ZNF676: variants seen among roughly 807,000 people sequenced by gnomAD.
The protein encoded by ZNF676 is zinc finger protein 676.
In ZNF676, 4 loss-of-function variants were observed where a neutral mutation model predicts 6.0. The observed-to-expected ratio is 0.67, with a 90% CI of 0.33 to 1.53. The LOEUF is 1.53. Ranked by LOEUF, ZNF676 falls within the 40% of genes most tolerant of loss-of-function variation. The probability of loss-of-function intolerance (pLI) is 0.06; values close to 1 mark genes in which losing one functional copy is unlikely to be tolerated. For missense variants in ZNF676, 644 were observed against 679.7 expected (o/e 0.95, Z 0.58); for synonymous variants, 198 against 223.1 (o/e 0.89, Z 1.00).
intron 1 of ZNF676, among the ~76,000 whole-genome samples, chr19:22,194,578 A>G (rs2023947245): frequency 6.6e-6 from 1 of 152,160 alleles, no homozygotes; most frequent in Admixed American, 6.6e-5. Context: ...CAGGACAGAA[A>G]GGACCTTACA....
chr19:22,201,920 G>A (rs1281581660), upstream of ZNF676, among the ~76,000 whole-genome samples: 1 of 152,130 alleles, frequency 6.6e-6, no homozygotes, highest in African/African-American at 2.4e-5. Context: ...TGTGGCAATA[G>A]TGAACAGTTT....
chr19:22,235,950 G>T, the ZNF676 span, among the ~76,000 whole-genome samples: 1 of 149,878 alleles, frequency 6.7e-6, no homozygotes, highest in Admixed American at 6.7e-5. Context: ...ACTACATCTA[G>T]TATGGCAGCT....
At chr19:22,188,718 TAGAG>T (rs1381920956) in intron 2 of ZNF676, among the ~76,000 whole-genome samples, 1 of 147,404 alleles carries the variant, frequency 6.8e-6, no homozygotes, top group Non-Finnish European at 1.5e-5. Flanking sequence ...ACACCAATAA[TAGAG>T]AGCCAAATCA....
the ZNF676 span, among the ~76,000 whole-genome samples, chr19:22,240,557 G>C: frequency 2.0e-5 from 3 of 151,936 alleles, no homozygotes; most frequent in Admixed American, 1.3e-4. Flanking sequence ...ACTCTGGGAG[G>C]CTGAGGAGGG....
the ZNF676 span, among the ~76,000 whole-genome samples, chr19:22,250,597 T>C: frequency 6.6e-6 from 1 of 152,180 alleles, no homozygotes; most frequent in African/African-American, 2.4e-5. Flanking sequence ...TTTTGTTTGT[T>C]TGTTTGTTTG....
chr19:22,238,714 A>C, the ZNF676 span, among the ~76,000 whole-genome samples: 37,797 of 151,982 alleles, frequency 0.25, 5,120 homozygotes, highest in South Asian at 0.43. Context: ...ATCTCACAAC[A>C]GGCCATCTGT....
At chr19:22,216,308 G>A (rs1227103815), upstream of ZNF676, among the ~76,000 whole-genome samples, 3 of 151,932 alleles carry the variant, frequency 2.0e-5, no homozygotes, top group African/African-American at 4.8e-5. Flanking sequence ...GGTGGTGGGC[G>A]CCTGTAATCC....
Position 22,215,051 on chromosome 19 carries a change from A to AAAC in ZNF676, c.3+580_3+581insGTT, listed in dbSNP as rs1568537380. ...GCGAGACTCCATCTCAAAAAAAAAAAAAAAAAAAACAACAAAAAACCAGGA... is the reference window on the plus strand; with the variant it reads ...GCGAGACTCCATCTCAAAAAAAAAAAAACAAAAAAAAACAACAAAAAACCAGGA... On this transcript the variant is annotated intron_variant, in intron 1 of 3. Coordinates refer to the ZNF676 transcript ENST00000650058. Among the ~76,000 whole-genome samples the AAAC allele has an allele frequency of 3.9e-4, 54 of 137,212 alleles. 1 individual carries two copies. The highest frequency in any genetic ancestry group is 4.7e-4 in the Non-Finnish European group (30 of 63,894). 90.0% of individuals were successfully genotyped at this position (137,212 alleles called of 152,430 possible). A position where few individuals can be genotyped will look rare whatever the true frequency, so the allele number is the denominator to read the frequency against.
chr19:22,184,084 A>G (rs1005267252), intron 2 of ZNF676, among the ~76,000 whole-genome samples: 9 of 152,222 alleles, frequency 5.9e-5, no homozygotes, highest in Admixed American at 5.9e-4. Flanking sequence ...CCAAATAGGA[A>G]CAGCTCTGAT....
the ZNF676 span, among the ~76,000 whole-genome samples, chr19:22,253,691 T>C: frequency 4.6e-5 from 7 of 151,950 alleles, no homozygotes; most frequent in Non-Finnish European, 8.8e-5. Context: ...CAACTGTAGC[T>C]GGATGTTCAC....
chr19:22,214,620 C>A (rs11669885), intron 1 of ZNF676, among the ~76,000 whole-genome samples: 43,953 of 141,242 alleles, frequency 0.31, 7,480 homozygotes, highest in Non-Finnish European at 0.39. Flanking sequence ...AAAAAAAAAT[C>A]TAATTCAAAT....
intron 2 of ZNF676, among the ~76,000 whole-genome samples, chr19:22,192,629 C>A (rs1317485085): frequency 6.6e-6 from 1 of 151,910 alleles, no homozygotes; most frequent in Non-Finnish European, 1.5e-5. Flanking sequence ...ATACAGAAAC[C>A]ACTACTCTCA....
At chr19:22,212,464 G>A (rs2024139212) in intron 1 of ZNF676, among the ~76,000 whole-genome samples, 1 of 152,118 alleles carries the variant, frequency 6.6e-6, no homozygotes, top group Non-Finnish European at 1.5e-5. Flanking sequence ...ACTTTGGGAG[G>A]CCAAGGCAGG....
the ZNF676 span, among the ~76,000 whole-genome samples, chr19:22,250,839 G>C: frequency 2.0e-5 from 3 of 152,008 alleles, no homozygotes. Flanking sequence ...AGCTGCCTGA[G>C]TAACTGAGAC....
upstream of ZNF676, among the ~76,000 whole-genome samples, chr19:22,200,924 G>C (rs1436996168): frequency 6.6e-6 from 1 of 151,972 alleles, no homozygotes; most frequent in Non-Finnish European, 1.5e-5. Context: ...CAGACCTCCT[G>C]ATTTTTTACT....
chr19:22,232,490 A>G, the ZNF676 span, among the ~76,000 whole-genome samples: 1 of 152,110 alleles, frequency 6.6e-6, no homozygotes, highest in Non-Finnish European at 1.5e-5. Context: ...TCAATACCCC[A>G]TTTTGTATAA....
the ZNF676 span, among the ~76,000 whole-genome samples, chr19:22,259,154 T>C: frequency 6.6e-6 from 1 of 152,188 alleles, no homozygotes; most frequent in African/African-American, 2.4e-5. Flanking sequence ...TAACATCTCC[T>C]AGGTGCTTGA....
chr19:22,198,005 T>G (rs1414834825), upstream of ZNF676, among the ~76,000 whole-genome samples: 9 of 152,208 alleles, frequency 5.9e-5, 1 homozygote, highest in Admixed American at 5.9e-4. Flanking sequence ...TGATTTTAAA[T>G]AGTATTTCTT....
the ZNF676 span, among the ~76,000 whole-genome samples, chr19:22,222,008 T>A: frequency 6.6e-6 from 1 of 152,010 alleles, no homozygotes; most frequent in Non-Finnish European, 1.5e-5. Context: ...AATATTTTTA[T>A]GTTGTTGTCT....
Sources: allele counts gnomAD v4.1 joint callset (sites outside exome capture counted in the v4.1 genomes callset), GRCh38; gene constraint gnomAD v4.1.1; transcripts MANE v1.5; gene names NCBI Gene and HGNC (gene_info 2026-07-23, HGNC 2026-07-21).